Variants in TMEM144 observed in about 807,000 individuals in gnomAD.
The protein encoded by TMEM144 is transmembrane protein 144.
Under a neutral mutation model 43.6 loss-of-function variants are expected in TMEM144, and 39 were observed. The observed-to-expected ratio is 0.90, with a 90% CI of 0.69 to 1.17. The LOEUF (loss-of-function observed/expected upper bound fraction) is 1.17. Among genes scored for constraint, TMEM144 ranks in the 50% most tolerant of loss-of-function variants. The pLI is 0.00. For synonymous variants in TMEM144, 154 were observed against 133.6 expected, an observed-to-expected ratio of 1.15 and a Z score of -1.06; for missense variants, 417 against 411.9, an observed-to-expected ratio of 1.01 and a Z score of -0.11.
chr4:158,223,861 T>G (rs1734624086), intron 6 of TMEM144, among the ~76,000 whole-genome samples: 1 of 152,266 alleles, frequency 6.6e-6, no homozygotes, highest in African/African-American at 2.4e-5. Flanking sequence ...TAAATAGTGC[T>G]GCAATAAGCA....
Position 158,241,574 on chromosome 4 carries a change from A to G in TMEM144, c.868A>G (p.Ser290Gly). Residue 290 changes from serine to glycine, a missense_variant, in exon 11 of 13, where the codon AGT becomes GGT. Transcript: ENST00000296529. ...TTGGTTCATAGCAAATCACTCTCTG[A>G]GTGCTGTGGTCAGTTTTCCAATAAT... ...CCWFIANHSL[S>G]AVVSFPIITA... 5.0e-6 allele frequency: 8 copies of G among 1,613,942 alleles called. No individual in the cohort carries two copies. Among genetic ancestry groups the G allele is most frequent in the Non-Finnish European group, 1.7e-6 (2 of 1,179,850 alleles).
At chr4:158,236,936 T>C (rs1735378897) in intron 8 of TMEM144, among the ~76,000 whole-genome samples, 2 of 152,144 alleles carry the variant, frequency 1.3e-5, no homozygotes, top group South Asian at 4.1e-4. Flanking sequence ...GTGCTGAAAA[T>C]GAAACATTTT....
chr4:158,246,004 G>A (rs1579152100), intron 12 of TMEM144, among the ~76,000 whole-genome samples: 1 of 152,226 alleles, frequency 6.6e-6, no homozygotes, highest in South Asian at 2.1e-4. Context: ...TTCTAGCCAG[G>A]CATGGTGGCA....
At chr4:158,211,097 C>T (rs983225710) in intron 1 of TMEM144, 31 of 152,154 alleles carry the variant, frequency 2.0e-4, no homozygotes, top group African/African-American at 7.5e-4. Flanking sequence ...GCGGTAGAGC[C>T]TTTTTAAAGA....
intron 11 of TMEM144, among the ~76,000 whole-genome samples, chr4:158,243,292 C>T (rs1425048128): frequency 1.3e-5 from 2 of 152,134 alleles, no homozygotes; most frequent in South Asian, 2.1e-4. Context: ...TTCCTTTGAC[C>T]TATTTCTCTG....
intron 12 of TMEM144, among the ~76,000 whole-genome samples, chr4:158,250,193 A>AATATATATAT (rs1736125294): frequency 1.1e-5 from 1 of 91,284 alleles, no homozygotes; most frequent in Non-Finnish European, 2.6e-5. Context: ...ATTAATACAT[A>AATATATATAT]ACATATATAT....
rs1423241291 is a variant in TMEM144 at position 158,253,573 on chromosome 4, C to T, written c.*46C>T. On this transcript the variant is annotated 3_prime_UTR_variant, in exon 13 of 13. Coordinates refer to ENST00000296529, the MANE Select transcript of TMEM144 (RefSeq NM_018342.5). Reference sequence around the variant, plus strand: ...GGCAGCAGTAGTTAAGAGAACGCGTCTATCGGACAGCGGAGAGATCATGCT... The same window carrying T: ...GGCAGCAGTAGTTAAGAGAACGCGTTTATCGGACAGCGGAGAGATCATGCT... 6.8e-7 allele frequency: 1 copy of T among 1,468,132 alleles called. No individual in the cohort carries two copies. Among genetic ancestry groups the T allele is most frequent in the East Asian group, 2.3e-5 (1 of 44,064 alleles). The allele number at this position is 1,468,132 out of a possible 1,614,324, so 90.9% of individuals were successfully genotyped here.
intron 12 of TMEM144, among the ~76,000 whole-genome samples, chr4:158,246,337 T>G (rs534287920): frequency 6.6e-6 from 1 of 152,218 alleles, no homozygotes; most frequent in African/African-American, 2.4e-5. Flanking sequence ...TCTAAGGAGA[T>G]TGATGTTGCT....
chr4:158,220,158 C>T (rs1734442413), intron 6 of TMEM144, among the ~76,000 whole-genome samples: 1 of 152,180 alleles, frequency 6.6e-6, no homozygotes, highest in Non-Finnish European at 1.5e-5. Context: ...CTTCCTTCAG[C>T]AATGATGGCT....
rs1735579538 is a variant in TMEM144, at chr4:158,240,475, T to C, written c.802+57T>C. ...TATGAAAGTGTCATCTACAACTCAT[T>C]TAACTTGAATAAGTTTCTTCTGGAA... On this transcript the variant is annotated intron_variant, in intron 10 of 12. Transcript: ENST00000296529. 3.2e-5 allele frequency: 49 copies of C among 1,529,570 alleles called. 1 individual carries two copies. In the South Asian group the frequency reaches 6.3e-4, roughly 20 times the overall value. 94.7% of individuals were successfully genotyped at this position (1,529,570 alleles called of 1,614,324 possible).
At chr4:158,241,860 T>C (rs1735655369) in intron 11 of TMEM144, among the ~76,000 whole-genome samples, 1 of 152,224 alleles carries the variant, frequency 6.6e-6, no homozygotes, top group Non-Finnish European at 1.5e-5. Context: ...GTTTGATTGG[T>C]TTATCTAATG....
In TMEM144 at chr4:158,232,986, A is replaced by G. The variant is rs748237296; in HGVS notation, c.495+4A>G. The G allele has an allele frequency of 1.3e-6, 2 of 1,590,524 alleles. No homozygotes were observed. Among genetic ancestry groups the G allele is most frequent in the South Asian group, 2.3e-5 (2 of 88,498 alleles). ...CACTCCATTAATAACAGAGCATGTG[A>G]GTATAGTATGAGAGACAACTTGATT... On this transcript the variant is annotated splice_donor_region_variant and intron_variant, in intron 7 of 12. Transcript: ENST00000296529.
chr4:158,216,348 G>A (rs1391698904), intron 4 of TMEM144, among the ~76,000 whole-genome samples: 1 of 152,210 alleles, frequency 6.6e-6, no homozygotes, highest in African/African-American at 2.4e-5. Context: ...AGGAGCCAAT[G>A]ATAATGTAGA....
chr4:158,211,616 T>C (rs1257741215), intron 2 of TMEM144, 42 bp downstream of exon 2: 3 of 152,202 alleles, frequency 2.0e-5, no homozygotes, highest in Admixed American at 1.3e-4. Context: ...AGCCTAACAG[T>C]AGAATAATAA....
At chr4:158,246,718 A>G (rs1409224731) in intron 12 of TMEM144, among the ~76,000 whole-genome samples, 3 of 152,080 alleles carry the variant, frequency 2.0e-5, no homozygotes, top group African/African-American at 7.2e-5. Context: ...TCACAAAAAA[A>G]GATTTATTTA....
chr4:158,230,654 A>T (rs996973291), intron 6 of TMEM144, among the ~76,000 whole-genome samples: 7 of 151,564 alleles, frequency 4.6e-5, no homozygotes, highest in African/African-American at 7.3e-5. Context: ...TATATATATA[A>T]TATATATAAA....
intron 5 of TMEM144, among the ~76,000 whole-genome samples, chr4:158,217,836 T>C (rs1261092461): frequency 6.6e-6 from 1 of 152,202 alleles, no homozygotes; most frequent in African/African-American, 2.4e-5. Flanking sequence ...AAGCTAGGAT[T>C]CAAACCCAGG....
At chr4:158,233,062 T>C in intron 7 of TMEM144, 80 bp downstream of exon 7, 2 of 1,120,922 alleles carry the variant, frequency 1.8e-6, no homozygotes, top group East Asian at 2.5e-5. Context: ...TAAACACAGA[T>C]GAAAAAGTGG....
chr4:158,232,125 GAC>G (rs765879812), intron 6 of TMEM144, among the ~76,000 whole-genome samples: 65 of 152,254 alleles, frequency 4.3e-4, no homozygotes, highest in Middle Eastern at 3.4e-3. Flanking sequence ...TTAATCTTTT[GAC>G]ACATTTTAAC....
Sources: gnomAD v4.1 joint callset for allele counts (sites outside exome capture counted in the v4.1 genomes callset) on GRCh38, gnomAD v4.1.1 for gene constraint, MANE v1.5 for transcripts, NCBI Gene and HGNC (gene_info 2026-07-23, HGNC 2026-07-21) for gene names.